Variants in ACTR3 observed in about 807,000 individuals in gnomAD.
The protein encoded by ACTR3 is actin related protein 3.
A neutral mutation model predicts 56.8 loss-of-function variants in ACTR3; 12 were observed. That is an observed-to-expected ratio of 0.21 (90% CI 0.14 to 0.34). The LOEUF is 0.34. ACTR3 is among the 10% of genes least tolerant of loss of function. The pLI is 1.00. For synonymous variants in ACTR3, 162 were observed against 167.4 expected (o/e 0.97, Z 0.25); for missense variants, 282 against 512.5 (o/e 0.55, Z 4.34).
chr2:113,910,057 G>A (rs570347905), intron 1 of ACTR3, among the ~76,000 whole-genome samples: 1 of 126,226 alleles, frequency 7.9e-6, no homozygotes, highest in East Asian at 2.4e-4. Context: ...GAGTGCTAAT[G>A]GGATGACTGT....
At chr2:113,948,617 A>G (rs964907945) in intron 8 of ACTR3, among the ~76,000 whole-genome samples, 47 of 152,254 alleles carry the variant, frequency 3.1e-4, no homozygotes, top group African/African-American at 1.1e-3. Flanking sequence ...TGTGACCACA[A>G]ATTTTGTTCA....
chr2:113,937,491 T>G lies in ACTR3; in HGVS notation c.541-2468T>G, dbSNP rs1679850869. 1.3e-5 allele frequency among the ~76,000 whole-genome samples: 2 copies of G among 152,252 alleles called. 1 individual carries two copies. Among genetic ancestry groups the G allele is most frequent in the South Asian group, 4.1e-4 (2 of 4,834 alleles). On this transcript the variant is annotated intron_variant, in intron 6 of 11. Transcript: ENST00000263238. ...TCCAGATTTCCACCTAGTATCATTT[T>G]CCTTCTGTCAAAATGACATCCTTCA...
intron 2 of ACTR3, among the ~76,000 whole-genome samples, 180 bp downstream of exon 2, chr2:113,913,407 T>A (rs1296684510): frequency 6.6e-6 from 1 of 152,092 alleles, no homozygotes; most frequent in African/African-American, 2.4e-5. Flanking sequence ...TTCAGCTTTA[T>A]GTTTAGCTCC....
chr2:113,891,189 C>T (rs1194474314), intron 1 of ACTR3, among the ~76,000 whole-genome samples: 1 of 152,040 alleles, frequency 6.6e-6, no homozygotes, highest in African/African-American at 2.4e-5. Context: ...ATTTATATGA[C>T]TTAAAAAAAT....
intron 1 of ACTR3, among the ~76,000 whole-genome samples, chr2:113,912,311 C>G (rs1407356972): frequency 1.3e-5 from 2 of 152,046 alleles, no homozygotes; most frequent in Non-Finnish European, 1.5e-5. Flanking sequence ...ATGTTACATT[C>G]TCTTTAAAGC....
chr2:113,931,950 G>C (rs1420856849), intron 5 of ACTR3, among the ~76,000 whole-genome samples: 1 of 145,932 alleles, frequency 6.9e-6, no homozygotes, highest in Non-Finnish European at 1.5e-5. Flanking sequence ...TGCTTTATAT[G>C]TGTATTAATT....
chr2:113,952,476 T>C (rs921488103), intron 10 of ACTR3: 2 of 152,178 alleles, frequency 1.3e-5, no homozygotes, highest in Admixed American at 6.5e-5. Context: ...ATATGGCTTT[T>C]TTCAAAGCTG....
chr2:113,931,476 T>A (rs1396966676), intron 5 of ACTR3, 80 bp downstream of exon 5: 10 of 915,200 alleles, frequency 1.1e-5, no homozygotes, highest in Non-Finnish European at 1.6e-5. Context: ...CGTACTTTTT[T>A]TTTTTTTCTG....
rs1390887298 is a variant in ACTR3, at chr2:113,934,395, ATT to A, written c.540+12_540+13del. 1 of 1,509,698 alleles carries A rather than the reference ATT, an allele frequency of 6.6e-7. No homozygotes were observed. The highest frequency in any genetic ancestry group is 9.0e-7 in the Non-Finnish European group (1 of 1,106,760). The allele number at this position is 1,509,698 out of a possible 1,614,324, so 93.5% of individuals were successfully genotyped here. A position where few individuals can be genotyped will look rare whatever the true frequency, so the allele number is the denominator to read the frequency against. ...CTCATGTCATTCCTGTGGTAAGGCT[ATT>A]TTACAGTTACTGAACAGAACATGAA... On this transcript the variant is annotated intron_variant, in intron 6 of 11. Coordinates refer to ENST00000263238, the MANE Select transcript of ACTR3 (RefSeq NM_005721.5).
chr2:113,905,317 T>A (rs929460622), intron 1 of ACTR3: 2 of 152,038 alleles, frequency 1.3e-5, no homozygotes, highest in African/African-American at 4.8e-5. Flanking sequence ...ATACAAAAAT[T>A]AGCTGGGCAT....
rs893261958 is a variant in ACTR3 at position 113,938,019 on chromosome 2, CATTT to C, written c.541-1935_541-1932del. On this transcript the variant is annotated intron_variant, in intron 6 of 11. Transcript: ENST00000263238. Reference sequence around the variant, plus strand: ...GTCTCAAAGATCATGATGCTCTGTACATTTATTTTTTTATAATCTTTTTCTTTTT... The same window carrying C: ...GTCTCAAAGATCATGATGCTCTGTACATTTTTTTATAATCTTTTTCTTTTT... Among the ~76,000 whole-genome samples the C allele has an allele frequency of 7.9e-5, 12 of 152,056 alleles. 1 individual carries two copies. The highest frequency in any genetic ancestry group is 3.4e-3 in the Middle Eastern group (1 of 294).
chr2:113,955,728 T>TTTATTTTATTTTATCATTA, intron 11 of ACTR3, 22 bp downstream of exon 11: 1 of 1,537,194 alleles, frequency 6.5e-7, no homozygotes, highest in Non-Finnish European at 8.9e-7. Context: ...GAAGCTTACT[T>TTTATTTTATTTTATCATTA]TTATTTTATT....
At chr2:113,898,994 G>T (rs1679054958) in intron 1 of ACTR3, among the ~76,000 whole-genome samples, 1 of 152,162 alleles carries the variant, frequency 6.6e-6, no homozygotes, top group Non-Finnish European at 1.5e-5. Flanking sequence ...TCCAAGGAGA[G>T]TGGTCAAATT....
chr2:113,917,108 C>A, intron 3 of ACTR3, 100 bp downstream of exon 3: 2 of 957,462 alleles, frequency 2.1e-6, no homozygotes, highest in Non-Finnish European at 2.8e-6. Flanking sequence ...TATTAATATC[C>A]TCAAACCTCT....
intron 5 of ACTR3, among the ~76,000 whole-genome samples, 176 bp downstream of exon 5, chr2:113,931,572 T>C (rs957580464): frequency 3.9e-5 from 6 of 152,100 alleles, no homozygotes; most frequent in Admixed American, 2.6e-4. Flanking sequence ...AGTGGAGATA[T>C]TTAGTCAGGA....
chr2:113,895,722 G>T (rs1310577980), intron 1 of ACTR3, among the ~76,000 whole-genome samples: 1 of 152,006 alleles, frequency 6.6e-6, no homozygotes. Flanking sequence ...TTTTATTTAC[G>T]GGTAGCAAAG....
intron 3 of ACTR3, among the ~76,000 whole-genome samples, chr2:113,920,101 T>G (rs1679479877): frequency 6.6e-6 from 1 of 152,182 alleles, no homozygotes; most frequent in Non-Finnish European, 1.5e-5. Context: ...TTTTTGTGTT[T>G]TTAGTAGAGA....
At chr2:113,936,019 A>G (rs958248472) in intron 6 of ACTR3, among the ~76,000 whole-genome samples, 1 of 152,134 alleles carries the variant, frequency 6.6e-6, no homozygotes, top group African/African-American at 2.4e-5. Flanking sequence ...TCTGGCTGGT[A>G]TGGTGGCTCA....
chr2:113,935,254 G>T (rs564407024), intron 6 of ACTR3, among the ~76,000 whole-genome samples: 39 of 152,174 alleles, frequency 2.6e-4, no homozygotes, highest in African/African-American at 8.2e-4. Flanking sequence ...AGAGTGTACA[G>T]TTCATTGATT....
Sources: gnomAD v4.1 joint callset for allele counts (sites outside exome capture counted in the v4.1 genomes callset) on GRCh38, gnomAD v4.1.1 for gene constraint, MANE v1.5 for transcripts, NCBI Gene and HGNC (gene_info 2026-07-23, HGNC 2026-07-21) for gene names.